The following UPP2 variants were observed in gnomAD, a reference collection of about 807,000 sequenced individuals.
UPP2 encodes UPase 2.
Under a neutral mutation model 26.7 loss-of-function variants are expected in UPP2, and 23 were observed. The ratio of observed to expected loss-of-function variants is 0.86; its 90% confidence interval spans 0.62 to 1.22. The LOEUF (loss-of-function observed/expected upper bound fraction) is 1.22, where lower values mean the gene tolerates loss of function less well. UPP2 is among the 50% of genes most tolerant of loss of function. UPP2 has a pLI of 0.00. For missense variants in UPP2, 387 were observed against 396.7 expected, an observed-to-expected ratio of 0.98 and a Z score of 0.21; for synonymous variants, 127 against 141.3, an observed-to-expected ratio of 0.90 and a Z score of 0.72.
At chr2:158,043,217 C>T (rs1161599126) in intron 3 of UPP2, among the ~76,000 whole-genome samples, 1 of 152,196 alleles carries the variant, frequency 6.6e-6, no homozygotes, top group Non-Finnish European at 1.5e-5. Flanking sequence ...TTAGGGGTCT[C>T]CTTTCAACAC....
chr2:158,052,827 G>A (rs1343379197), intron 3 of UPP2, among the ~76,000 whole-genome samples: 1 of 152,138 alleles, frequency 6.6e-6, no homozygotes, highest in Non-Finnish European at 1.5e-5. Flanking sequence ...GGGCCATAAT[G>A]TCTCAGTCCC....
chr2:158,095,755 T>C (rs1682975235), intron 3 of UPP2, among the ~76,000 whole-genome samples: 1 of 152,136 alleles, frequency 6.6e-6, no homozygotes. Flanking sequence ...GTAATGCTAT[T>C]AGCCACTGTT....
chr2:158,131,381 T>C (rs1683815975), intron 6 of UPP2, among the ~76,000 whole-genome samples: 1 of 152,158 alleles, frequency 6.6e-6, no homozygotes, highest in Non-Finnish European at 1.5e-5. Context: ...GTTAAAGTGG[T>C]GGTCCATAGG....
intron 3 of UPP2, among the ~76,000 whole-genome samples, chr2:158,040,809 A>G (rs1684072532): frequency 6.6e-6 from 1 of 152,198 alleles, no homozygotes; most frequent in Admixed American, 6.5e-5. Context: ...TTTGGTGGCT[A>G]TAGTAGGATA....
intron 3 of UPP2, among the ~76,000 whole-genome samples, chr2:158,085,042 T>C (rs560111624): frequency 8.4e-4 from 128 of 152,244 alleles, no homozygotes; most frequent in Non-Finnish European, 1.4e-3. Context: ...GATGGTGGTA[T>C]TTTGATGGGA....
At chr2:157,997,610 A>T (rs768778623) in intron 2 of UPP2, among the ~76,000 whole-genome samples, 7 of 152,150 alleles carry the variant, frequency 4.6e-5, no homozygotes, top group South Asian at 2.1e-4. Flanking sequence ...ATGGTCTCTA[A>T]TTCAAAGCAT....
At chr2:158,120,458 C>G (rs1299078644) in intron 4 of UPP2, among the ~76,000 whole-genome samples, 1 of 151,972 alleles carries the variant, frequency 6.6e-6, no homozygotes, top group Admixed American at 6.6e-5. Flanking sequence ...TATTGAGTAC[C>G]TATAATGTGG....
chr2:158,002,410 C>A (rs1384795555), intron 2 of UPP2, among the ~76,000 whole-genome samples: 1 of 152,216 alleles, frequency 6.6e-6, no homozygotes, highest in Admixed American at 6.5e-5. Flanking sequence ...ACAATGCAGG[C>A]CTGGCCCAAC....
intron 3 of UPP2, among the ~76,000 whole-genome samples, chr2:158,078,986 T>C (rs1184530771): frequency 6.6e-6 from 1 of 152,124 alleles, no homozygotes; most frequent in East Asian, 1.9e-4. Context: ...AATTGAATCA[T>C]GGGGGCAGTT....
chr2:158,026,150 G>A (rs1002201215), intron 3 of UPP2, among the ~76,000 whole-genome samples: 3 of 152,022 alleles, frequency 2.0e-5, no homozygotes, highest in Non-Finnish European at 2.9e-5. Flanking sequence ...GACCTGAGGC[G>A]GCCTGGTTTC....
chr2:158,127,179 T>A (rs978914937), intron 6 of UPP2, among the ~76,000 whole-genome samples: 20 of 152,190 alleles, frequency 1.3e-4, no homozygotes, highest in African/African-American at 4.8e-4. Context: ...TCTCACCTCC[T>A]CAAAAAAGTC....
In UPP2 at chr2:158,033,975, T is replaced by G. The variant is rs1255049309; in HGVS notation, c.147+18089T>G. Among the ~76,000 whole-genome samples, 3 of 152,190 alleles carry G rather than the reference T, an allele frequency of 2.0e-5. No homozygotes were observed. In the East Asian group the frequency reaches 5.8e-4, roughly 29 times the overall value. On this transcript the variant is annotated intron_variant, in intron 3 of 9. Coordinates refer to the UPP2 transcript ENST00000605860. ...GGACAGTACCAAGGGTCACCTTTAC[T>G]TCCTTCAGGATTTGCTCTGGGGCAA...
At chr2:158,133,382 C>T (rs567481240) in intron 6 of UPP2, among the ~76,000 whole-genome samples, 46 of 151,968 alleles carry the variant, frequency 3.0e-4, no homozygotes, top group Non-Finnish European at 5.1e-4. Flanking sequence ...GGATGGGGAA[C>T]GGAGAGAAAC....
At chr2:158,059,492 C>T (rs917894806) in intron 3 of UPP2, among the ~76,000 whole-genome samples, 2 of 152,202 alleles carry the variant, frequency 1.3e-5, no homozygotes, top group African/African-American at 2.4e-5. Flanking sequence ...CACATGCAGT[C>T]AGTCACATTT....
chr2:158,037,647 G>A (rs6437127), intron 3 of UPP2, among the ~76,000 whole-genome samples: 1 of 151,684 alleles, frequency 6.6e-6, no homozygotes, highest in Non-Finnish European at 1.5e-5. Flanking sequence ...CCAATCTCTG[G>A]TCCATCTTCC....
intron 3 of UPP2, among the ~76,000 whole-genome samples, chr2:158,039,595 A>G (rs182154928): frequency 1.7e-4 from 26 of 152,254 alleles, no homozygotes; most frequent in African/African-American, 6.3e-4. Context: ...CAAGCATAAG[A>G]CTCAGTGTCC....
rs1055796476 is a variant in UPP2 at position 158,015,692 on chromosome 2, C to T, written c.62-109C>T. On this transcript the variant is annotated intron_variant, in intron 2 of 9. Coordinates refer to the UPP2 transcript ENST00000605860. ...GTGACTGAATCATGGGGCAGACTTC[C>T]CCCTTGCTGTTCTTGTGATAGTGAG... The T allele has an allele frequency of 1.2e-5, 5 of 417,130 alleles. No homozygotes were observed. In the Admixed American group the frequency reaches 1.2e-4, roughly 10 times the overall value. 25.8% of individuals were successfully genotyped at this position (417,130 alleles called of 1,614,324 possible). A position where few individuals can be genotyped will look rare whatever the true frequency, so the allele number is the denominator to read the frequency against.
chr2:158,101,815 T>G, upstream of UPP2: 1 of 1,235,854 alleles, frequency 8.1e-7, no homozygotes. Context: ...CTTGAGGAAG[T>G]GCTGCTCTGA....
At chr2:158,020,155 C>T (rs530895246) in intron 3 of UPP2, among the ~76,000 whole-genome samples, 37 of 152,282 alleles carry the variant, frequency 2.4e-4, no homozygotes, top group Middle Eastern at 3.4e-3. Context: ...TTATTAAGCA[C>T]TTGCTGTGGA....
Sources: gnomAD v4.1 joint callset for allele counts (sites outside exome capture counted in the v4.1 genomes callset) on GRCh38, gnomAD v4.1.1 for gene constraint, MANE v1.5 for transcripts, NCBI Gene and HGNC (gene_info 2026-07-23, HGNC 2026-07-21) for gene names.